The following SPTAN1 variants were observed in gnomAD, a reference collection of about 807,000 sequenced individuals.
SPTAN1 encodes the protein spectrin alpha chain, non-erythrocytic 1.
Under a neutral mutation model 331.3 loss-of-function variants are expected in SPTAN1, and 61 were observed. That is an observed-to-expected ratio of 0.18 (90% confidence interval 0.15 to 0.23). The LOEUF is 0.23. SPTAN1 is among the 10% of genes least tolerant of loss of function. The pLI is 1.00. For synonymous variants in SPTAN1, 1,153 were observed against 1,173.9 expected (o/e 0.98, Z 0.36); for missense variants, 2,043 against 3,147.9 (o/e 0.65, Z 8.40).
Position 128,618,022 on chromosome 9 carries a change from C to T in SPTAN1, c.5514C>T (p.Asp1838=), listed in dbSNP as rs1857387414. The change falls in exon 43 of 57, where the codon GAC becomes GAT. Residue 1838 remains aspartate, a synonymous_variant. Coordinates refer to ENST00000372739, the MANE Select transcript of SPTAN1 (RefSeq NM_001130438.3). ...VLDTGKKLSD[D]NTIGKEEIQQ... ...ACACTGGCAAGAAGCTGTCCGATGA[C>T]AACACCATCGGGAAAGAGGAGATCC... 6.2e-7 allele frequency: 1 copy of T among 1,614,102 alleles called. No individual in the cohort carries two copies. The highest frequency in any genetic ancestry group is 8.5e-7 in the Non-Finnish European group (1 of 1,179,996).
Position 128,605,017 on chromosome 9 carries a change from A to G in SPTAN1, c.3720-17A>G, listed in dbSNP as rs1440733246. On this transcript the variant is annotated splice_polypyrimidine_tract_variant and intron_variant, in intron 29 of 56. Coordinates refer to ENST00000372739, the MANE Select transcript of SPTAN1 (RefSeq NM_001130438.3). ...TTGTACTTGGCATTTCTTAACCTGA[A>G]TGTGTCTCGCCTTTAGAGATGCTGA... 3 of 1,613,902 alleles carry G rather than the reference A, an allele frequency of 1.9e-6. No individual in the cohort carries two copies. Among genetic ancestry groups the G allele is most frequent in the Non-Finnish European group, 2.5e-6 (3 of 1,179,990 alleles).
rs780780077 is a variant in SPTAN1 at position 128,633,325 on chromosome 9, C to T, written c.7425C>T (p.Phe2475=). ...ACGTGGAGTTCACCCGCTCGCTTTT[C>T]GTGAACTGAGCCACTCCCTGGGTCA... The part of the protein sequence containing the change: ...FDYVEFTRSL[F]VN The change falls in exon 57 of 57, where the codon TTC becomes TTT. Residue 2475 remains phenylalanine, a synonymous_variant. Coordinates refer to ENST00000372739, the MANE Select transcript of SPTAN1 (RefSeq NM_001130438.3). The T allele has an allele frequency of 6.2e-6, 10 of 1,613,884 alleles. No homozygotes were observed. The highest frequency in any genetic ancestry group is 5.5e-5 in the South Asian group (5 of 91,086).
At chr9:128,606,057 C>T (rs1391945030) in intron 31 of SPTAN1, among the ~76,000 whole-genome samples, 2 of 151,730 alleles carry the variant, frequency 1.3e-5, no homozygotes, top group Non-Finnish European at 2.9e-5. Flanking sequence ...AGTCAAACTA[C>T]TGAATGCCAT....
At chr9:128,601,702 C>CA (rs1855176342) in intron 27 of SPTAN1, among the ~76,000 whole-genome samples, 1 of 152,094 alleles carries the variant, frequency 6.6e-6, no homozygotes, top group South Asian at 2.1e-4. Context: ...ATGAAGAAAG[C>CA]ATGAAAAGCT....
intron 40 of SPTAN1, among the ~76,000 whole-genome samples, chr9:128,613,781 A>G (rs1331217142): frequency 1.3e-5 from 2 of 152,156 alleles, no homozygotes; most frequent in Non-Finnish European, 2.9e-5. Flanking sequence ...AGACAGGCAG[A>G]TCTCCTGAGG....
chr9:128,570,328 ATATTTTTTTTTT>A lies in SPTAN1; in HGVS notation c.363+1433_363+1444del, dbSNP rs1293533842. On this transcript the variant is annotated intron_variant, in intron 3 of 56. Coordinates refer to ENST00000372739, the MANE Select transcript of SPTAN1 (RefSeq NM_001130438.3). ...CTTATATATATATATATATATATATATATTTTTTTTTTTTTTTTTTTTTTTTGAGACGAAGTT... is the reference window on the plus strand; with the variant it reads ...CTTATATATATATATATATATATATATTTTTTTTTTTTTTGAGACGAAGTT... 1.6e-3 allele frequency among the ~76,000 whole-genome samples: 120 copies of A among 73,568 alleles called. No individual in the cohort carries two copies. The East Asian group carries it at 0.028, about 17-fold the overall frequency. The allele number at this position is 73,568 out of a possible 152,430, so 48.3% of individuals were successfully genotyped here.
intron 1 of SPTAN1, among the ~76,000 whole-genome samples, chr9:128,561,606 T>C (rs1409190676): frequency 2.5e-5 from 3 of 121,448 alleles, no homozygotes; most frequent in Non-Finnish European, 3.2e-5. Context: ...GAGCTTGCAG[T>C]GAGCCGAAAT....
intron 21 of SPTAN1, among the ~76,000 whole-genome samples, chr9:128,591,228 AT>A (rs1223750932): frequency 2.0e-5 from 3 of 151,300 alleles, no homozygotes; most frequent in African/African-American, 7.3e-5. Flanking sequence ...TGTCCAGCTA[AT>A]TTTTTTTGTA....
chr9:128,629,007 G>A lies in SPTAN1; in HGVS notation c.6707+1065G>A, dbSNP rs941134679. 13 of 395,724 alleles carry A rather than the reference G, an allele frequency of 3.3e-5. No individual in the cohort carries two copies. The highest frequency in any genetic ancestry group is 6.2e-5 in the African/African-American group (3 of 48,536). The allele number at this position is 395,724 out of a possible 1,614,324, so 24.5% of individuals were successfully genotyped here. ...GGCCTGCTGCCTCCAGGTACCCGCCGGGCACCAGGTTGCCCTTGCCTGCGC... is the reference window on the plus strand; with the variant it reads ...GGCCTGCTGCCTCCAGGTACCCGCCAGGCACCAGGTTGCCCTTGCCTGCGC... On this transcript the variant is annotated intron_variant, in intron 51 of 56. Transcript: ENST00000372739. This position sits in a 1 kb window ranked among gnomAD's most constrained non-coding sequence, Gnocchi z 4.9.
rs749258451 is a variant in SPTAN1 at position 128,612,104 on chromosome 9, C to T, written c.4906-5C>T. ...ATCTCTTTTTGGCTCCCTTCTGTTC[C>T]CCAGGCCCGCCTGGCTGCCTTAGCT... is the stretch of plus-strand genomic sequence containing the variant. On this transcript the variant is annotated splice_region_variant and splice_polypyrimidine_tract_variant and intron_variant, in intron 38 of 56. Coordinates refer to ENST00000372739, the MANE Select transcript of SPTAN1 (RefSeq NM_001130438.3). 1 of 1,614,148 alleles carries T rather than the reference C, an allele frequency of 6.2e-7. No individual in the cohort carries two copies. The highest frequency in any genetic ancestry group is 1.1e-5 in the South Asian group (1 of 91,086).
rs182480392 is a variant in SPTAN1 at position 128,626,817 on chromosome 9, T to C, written c.6576+130T>C. ...GAGGAGCATGGTTTCATCAGAAGTT[T>C]CATTTCTTTTTGTGTTCTTGAGGCA... is the stretch of plus-strand genomic sequence containing the variant. On this transcript the variant is annotated intron_variant, in intron 49 of 56. Transcript: ENST00000372739. 1.9e-3 allele frequency: 2,061 copies of C among 1,089,956 alleles called. 30 individuals are homozygous for C. The African/African-American group carries it at 0.022, about 12-fold the overall frequency. 67.5% of individuals were successfully genotyped at this position (1,089,956 alleles called of 1,614,324 possible). A position where few individuals can be genotyped will look rare whatever the true frequency, so the allele number is the denominator to read the frequency against.
chr9:128,591,384 C>A, intron 21 of SPTAN1, 93 bp from the exon 22 acceptor site: 10 of 1,558,500 alleles, frequency 6.4e-6, no homozygotes, highest in Non-Finnish European at 1.8e-6. Flanking sequence ...CCTCTTAAAA[C>A]AACGCTCTCG....
At chr9:128,584,889 T>C (rs763458645) in intron 18 of SPTAN1, 46 bp downstream of exon 18, 8 of 1,613,754 alleles carry the variant, frequency 5.0e-6, no homozygotes, top group Non-Finnish European at 3.4e-6. Flanking sequence ...GCTCCTCGTG[T>C]CTCCCCTTCT....
chr9:128,614,221 G>A (rs762641891), intron 40 of SPTAN1, among the ~76,000 whole-genome samples: 5 of 152,212 alleles, frequency 3.3e-5, no homozygotes, highest in African/African-American at 4.8e-5. Flanking sequence ...TTGGGAGGCC[G>A]AGGCAGGCAG....
Position 128,568,790 on chromosome 9 carries a change from C to G in SPTAN1, c.256C>G (p.Gln86Glu), listed in dbSNP as rs1016222056. Residue 86 changes from glutamine (Q) to glutamate (E), a missense_variant, in exon 3 of 57, where the codon CAA becomes GAA. Around this residue, in one of 12 missense-constraint regions of SPTAN1, gnomAD observed 1,038 missense variants for 1,531.5 expected, o/e 0.68. Coordinates refer to ENST00000372739, the MANE Select transcript of SPTAN1 (RefSeq NM_001130438.3). ...CCAACAGGGAAAGCTTCAGAAGCAT[C>G]AAGCATTTGAAGCTGAAGTGCAGGC... ...TNLQGKLQKHQAFEAEVQANS... is the reference protein window; with the variant it reads ...TNLQGKLQKHEAFEAEVQANS... 1.9e-6 allele frequency: 3 copies of G among 1,613,986 alleles called. No homozygotes were observed. Among genetic ancestry groups the G allele is most frequent in the African/African-American group, 2.7e-5 (2 of 74,912 alleles).
intron 26 of SPTAN1, 131 bp downstream of exon 26, chr9:128,599,117 T>A: frequency 1.1e-6 from 1 of 943,838 alleles, no homozygotes. Flanking sequence ...GTGTAAAGAT[T>A]TGTGGAAAAC....
chr9:128,633,012 T>C, intron 56 of SPTAN1, 57 bp downstream of exon 56: 1 of 1,604,650 alleles, frequency 6.2e-7, no homozygotes, highest in Non-Finnish European at 8.5e-7. Context: ...AAGCCAAATT[T>C]GTGGCAGAGC....
chr9:128,587,480 C>T (rs932450549), intron 19 of SPTAN1, 126 bp from the exon 20 acceptor site: 6 of 758,256 alleles, frequency 7.9e-6, no homozygotes, highest in Non-Finnish European at 1.2e-5. Context: ...GTAAGAAGGG[C>T]AGGAGGTGAT....
intron 41 of SPTAN1, 24 bp downstream of exon 41, chr9:128,615,864 AG>A: frequency 6.2e-7 from 1 of 1,613,286 alleles, no homozygotes; most frequent in Non-Finnish European, 8.5e-7. Flanking sequence ...GCCCTCTAGA[AG>A]GCCCCTTACG....
Sources: gnomAD v4.1 joint callset for allele counts (sites outside exome capture counted in the v4.1 genomes callset) on GRCh38, gnomAD v4.1.1 for gene constraint, gnomAD v4.1.1 regional missense constraint, Gnocchi (gnomAD v3.1) non-coding constraint, MANE v1.5 for transcripts, NCBI Gene and HGNC (gene_info 2026-07-23, HGNC 2026-07-21) for gene names.